Variants in PRKCA observed in about 807,000 individuals in gnomAD.
PRKCA encodes the protein protein kinase C alpha, also known as protein kinase C alpha type.
PRKCA carries 27 observed loss-of-function variants against 87.0 expected under a neutral mutation model. The observed-to-expected ratio is 0.31, with a 90% CI of 0.23 to 0.43. The LOEUF is 0.43. PRKCA is among the 20% of genes least tolerant of loss of function. PRKCA has a pLI of 1.00. For missense variants in PRKCA, 518 were observed against 852.3 expected, an observed-to-expected ratio of 0.61 and a Z score of 4.88; for synonymous variants, 329 against 311.1, an observed-to-expected ratio of 1.06 and a Z score of -0.61.
In PRKCA at chr17:66,680,026, G is replaced by A. The variant is rs146239297; in HGVS notation, c.530-7085G>A. Reference sequence around the variant, plus strand: ...TCAAAATAATGAATTCTCTGGGTTCGAAGTCATTTTTTATTCCTCAAAGAC... The same window carrying A: ...TCAAAATAATGAATTCTCTGGGTTCAAAGTCATTTTTTATTCCTCAAAGAC... On this transcript the variant is annotated intron_variant, in intron 5 of 16. Transcript: ENST00000413366. 1.5e-3 allele frequency among the ~76,000 whole-genome samples: 225 copies of A among 152,256 alleles called. 1 individual carries two copies. The highest frequency in any genetic ancestry group is 7.7e-4 in the East Asian group (4 of 5,188).
At chr17:66,500,853 G>C (rs1337665642) in intron 3 of PRKCA, among the ~76,000 whole-genome samples, 1 of 152,156 alleles carries the variant, frequency 6.6e-6, no homozygotes, top group East Asian at 1.9e-4. Flanking sequence ...CTGCTGGCAG[G>C]CTCAGTGAGG....
At chr17:66,516,961 C>T (rs1335125915) in intron 3 of PRKCA, among the ~76,000 whole-genome samples, 1 of 152,190 alleles carries the variant, frequency 6.6e-6, no homozygotes, top group African/African-American at 2.4e-5. Flanking sequence ...AGCTCAGCTC[C>T]TCCTGTGCCA....
At chr17:66,336,013 T>C (rs1485211454) in intron 2 of PRKCA, among the ~76,000 whole-genome samples, 1 of 152,182 alleles carries the variant, frequency 6.6e-6, no homozygotes, top group Admixed American at 6.5e-5. Flanking sequence ...AGACACCATG[T>C]GTTATCTTTA....
At chr17:66,368,362 A>ATG (rs1458207315) in intron 2 of PRKCA, among the ~76,000 whole-genome samples, 8 of 40,140 alleles carry the variant, frequency 2.0e-4, no homozygotes, top group African/African-American at 5.4e-4. Context: ...GTGTGTGTAT[A>ATG]TGTATATATA....
At chr17:66,795,593 A>G (rs918415238) in intron 16 of PRKCA, among the ~76,000 whole-genome samples, 6 of 152,244 alleles carry the variant, frequency 3.9e-5, no homozygotes, top group Admixed American at 1.3e-4. Flanking sequence ...GAAATGAGAC[A>G]TTTAAACTAA....
At position 66,715,384 on chromosome 17, in the gene PRKCA, G is replaced by A. The variant is rs541020412; in HGVS notation, c.919-17304G>A. Among the ~76,000 whole-genome samples the A allele has an allele frequency of 1.1e-3, 171 of 152,178 alleles. 2 individuals are homozygous for A. Among genetic ancestry groups the A allele is most frequent in the African/African-American group, 3.9e-3 (164 of 41,524 alleles). ...TGAACTCTGCCCTCGTGTAACTGTCGTTACTTCTCACTATTTTCCAGGTCG... is the reference window on the plus strand; with the variant it reads ...TGAACTCTGCCCTCGTGTAACTGTCATTACTTCTCACTATTTTCCAGGTCG... On this transcript the variant is annotated intron_variant, in intron 8 of 16. Transcript: ENST00000413366.
chr17:66,479,345 C>T (rs1915675572), intron 2 of PRKCA, among the ~76,000 whole-genome samples: 2 of 152,030 alleles, frequency 1.3e-5, no homozygotes, highest in Non-Finnish European at 2.9e-5. Context: ...ACTAAAAAGT[C>T]AAAAAATATT....
chr17:66,608,716 A>G (rs540824245), intron 3 of PRKCA, among the ~76,000 whole-genome samples: 60 of 152,304 alleles, frequency 3.9e-4, no homozygotes, highest in Non-Finnish European at 6.9e-4. Context: ...CTGTTCTCAT[A>G]AAGGTCTCCA....
chr17:66,696,684 A>G (rs1598880817), intron 8 of PRKCA, among the ~76,000 whole-genome samples: 2 of 152,254 alleles, frequency 1.3e-5, no homozygotes, highest in East Asian at 3.8e-4. Flanking sequence ...ATTGTTATCA[A>G]GGACTTATTT....
intron 5 of PRKCA, among the ~76,000 whole-genome samples, chr17:66,679,796 T>G (rs11651627): frequency 2.0e-5 from 3 of 152,112 alleles, no homozygotes; most frequent in African/African-American, 7.2e-5. Context: ...TTTCAATACA[T>G]CAGCAAGCGA....
intron 3 of PRKCA, among the ~76,000 whole-genome samples, chr17:66,589,364 T>C (rs578184300): frequency 1.3e-5 from 2 of 152,338 alleles, no homozygotes; most frequent in South Asian, 4.2e-4. Flanking sequence ...TTATTTTAGA[T>C]TGTAGGTTTT....
intron 3 of PRKCA, among the ~76,000 whole-genome samples, chr17:66,548,616 A>G (rs900633269): frequency 6.6e-6 from 1 of 151,986 alleles, no homozygotes; most frequent in African/African-American, 2.4e-5. Context: ...TGGAACCTGT[A>G]AATATTGCCT....
chr17:66,413,833 G>A (rs1027732721), intron 2 of PRKCA, among the ~76,000 whole-genome samples: 5 of 152,062 alleles, frequency 3.3e-5, no homozygotes, highest in Non-Finnish European at 5.9e-5. Context: ...TGCCAACATG[G>A]CAATACCCCG....
At chr17:66,787,268 C>G in intron 15 of PRKCA, 1 of 519,562 alleles carries the variant, frequency 1.9e-6, no homozygotes. Flanking sequence ...TTCCTCCTTT[C>G]ATATTGCTAT....
chr17:66,562,439 C>T (rs906712345), intron 3 of PRKCA, among the ~76,000 whole-genome samples: 4 of 151,836 alleles, frequency 2.6e-5, no homozygotes, highest in Non-Finnish European at 5.9e-5. Context: ...AAGTATGTCT[C>T]AGGCACCCTG....
intron 2 of PRKCA, among the ~76,000 whole-genome samples, chr17:66,329,745 G>A (rs1165564572): frequency 6.6e-6 from 1 of 152,104 alleles, no homozygotes; most frequent in Non-Finnish European, 1.5e-5. Flanking sequence ...TCATCGTAAT[G>A]GGCAGAGTAA....
chr17:66,494,460 A>G (rs1045823929), intron 2 of PRKCA, among the ~76,000 whole-genome samples: 3 of 152,200 alleles, frequency 2.0e-5, no homozygotes, highest in African/African-American at 7.2e-5. Context: ...GGGCAAAGAG[A>G]CAAAAGGGGG....
intron 13 of PRKCA, among the ~76,000 whole-genome samples, chr17:66,765,422 A>ATATCTATATATCTATATATC (rs1568020882): frequency 2.9e-5 from 3 of 102,580 alleles, no homozygotes; most frequent in South Asian, 2.9e-4. Context: ...CTTTGTCTAT[A>ATATCTATATATCTATATATC]TATATATATA....
chr17:66,459,193 C>A (rs1454729473), intron 2 of PRKCA, among the ~76,000 whole-genome samples: 7 of 140,502 alleles, frequency 5.0e-5, no homozygotes, highest in African/African-American at 1.6e-4. Context: ...GGCCATCTGG[C>A]AAATCCCTGT....
Sources: allele counts gnomAD v4.1 joint callset (sites outside exome capture counted in the v4.1 genomes callset), GRCh38; gene constraint gnomAD v4.1.1; transcripts MANE v1.5; gene names NCBI Gene and HGNC (gene_info 2026-07-23, HGNC 2026-07-21).